Variants in MALRD1 observed in about 807,000 individuals in gnomAD.
MALRD1 encodes MAM and LDL receptor class A domain containing 1.
A neutral mutation model predicts 242.1 loss-of-function variants in MALRD1; 247 were observed. The observed-to-expected ratio is 1.02, with a 90% CI of 0.92 to 1.13. The LOEUF (loss-of-function observed/expected upper bound fraction) is 1.13. Among genes scored for constraint, MALRD1 ranks in the 50% most tolerant of loss-of-function variants. The probability of loss-of-function intolerance (pLI) is 0.00; values close to 1 mark genes in which losing one functional copy is unlikely to be tolerated. For synonymous variants in MALRD1, 995 were observed against 866.6 expected, an observed-to-expected ratio of 1.15 and a Z score of -2.60; for missense variants, 2,989 against 2,533.1, an observed-to-expected ratio of 1.18 and a Z score of -3.86.
intron 26 of MALRD1, among the ~76,000 whole-genome samples, chr10:19,377,695 T>A (rs1219216134): frequency 4.6e-5 from 7 of 152,090 alleles, no homozygotes; most frequent in Non-Finnish European, 7.4e-5. Context: ...AAGAACAAAT[T>A]TGTTACAATG....
chr10:19,652,445 A>G (rs1840943963), intron 36 of MALRD1, among the ~76,000 whole-genome samples: 1 of 152,230 alleles, frequency 6.6e-6, no homozygotes, highest in Non-Finnish European at 1.5e-5. Flanking sequence ...AAAGGTAGAT[A>G]GTACCAAGAT....
At chr10:19,470,883 G>C (rs4748586) in intron 29 of MALRD1, among the ~76,000 whole-genome samples, 130,852 of 151,774 alleles carry the variant, frequency 0.86, 56,570 homozygotes, top group East Asian at 1. Context: ...CTTGGGTCGC[G>C]TAGGCTGCCT....
intron 32 of MALRD1, among the ~76,000 whole-genome samples, chr10:19,535,577 G>GTATA (rs563014323): frequency 2.7e-5 from 4 of 147,828 alleles, no homozygotes; most frequent in Middle Eastern, 3.4e-3. Flanking sequence ...ATGTATATAC[G>GTATA]TATATATATA....
chr10:19,107,917 C>T (rs563387031), intron 5 of MALRD1, among the ~76,000 whole-genome samples: 4 of 152,002 alleles, frequency 2.6e-5, no homozygotes, highest in South Asian at 4.2e-4. Context: ...ATTTTACTGT[C>T]CTCCCACAAT....
intron 24 of MALRD1, among the ~76,000 whole-genome samples, chr10:19,346,631 T>A (rs1358999854): frequency 6.6e-6 from 1 of 152,240 alleles, no homozygotes; most frequent in African/African-American, 2.4e-5. Context: ...TTGTTACTTA[T>A]CAAATTACTC....
intron 32 of MALRD1, among the ~76,000 whole-genome samples, chr10:19,550,496 A>C (rs1589229380): frequency 6.6e-6 from 1 of 151,594 alleles, no homozygotes; most frequent in Middle Eastern, 3.4e-3. Flanking sequence ...CCTCCTTCCA[A>C]CCTCCACCCT....
chr10:19,084,433 T>C (rs1270556421), intron 2 of MALRD1, among the ~76,000 whole-genome samples: 3 of 151,922 alleles, frequency 2.0e-5, no homozygotes, highest in Non-Finnish European at 4.4e-5. Context: ...TTTTTAATGT[T>C]CTTGAGAACT....
intron 28 of MALRD1, among the ~76,000 whole-genome samples, chr10:19,431,560 G>A (rs1020956951): frequency 2.0e-5 from 3 of 151,904 alleles, no homozygotes; most frequent in Admixed American, 2.0e-4. Context: ...AAAATTTCAC[G>A]TTGAACATTT....
At chr10:19,544,201 T>A (rs3844353) in intron 32 of MALRD1, among the ~76,000 whole-genome samples, 119,959 of 151,742 alleles carry the variant, frequency 0.79, 47,971 homozygotes, top group Non-Finnish European at 0.85. Flanking sequence ...TTTTGGTTTT[T>A]TTTTTTAGAT....
chr10:19,718,257 C>T (rs894548434), intron 38 of MALRD1, among the ~76,000 whole-genome samples: 1 of 150,900 alleles, frequency 6.6e-6, no homozygotes, highest in Non-Finnish European at 1.5e-5. Flanking sequence ...ATACCTGAGG[C>T]TGAGGCTGGA....
rs760875287 is a variant in MALRD1 at position 19,595,061 on chromosome 10, C to A, written c.5681-133C>A. 179 of 875,776 alleles carry A rather than the reference C, an allele frequency of 2.0e-4. 1 individual carries two copies. Among genetic ancestry groups the A allele is most frequent in the Non-Finnish European group, 2.8e-4 (165 of 589,466 alleles). The allele number at this position is 875,776 out of a possible 1,614,324, so 54.3% of individuals were successfully genotyped here. ...CAGGTTTGTAGGCATCATATTAATC[C>A]TAATTAGAAATTAATTTACTTCAAT... On this transcript the variant is annotated intron_variant, in intron 33 of 39. Coordinates refer to ENST00000454679, the MANE Select transcript of MALRD1 (RefSeq NM_001142308.3).
intron 31 of MALRD1, among the ~76,000 whole-genome samples, chr10:19,518,067 G>C (rs1833717669): frequency 6.6e-6 from 1 of 152,166 alleles, no homozygotes; most frequent in African/African-American, 2.4e-5. Context: ...CCCCTGATTG[G>C]CTATACTGCT....
chr10:19,663,573 T>G (rs1226772857), intron 36 of MALRD1, among the ~76,000 whole-genome samples: 3 of 152,030 alleles, frequency 2.0e-5, no homozygotes, highest in Non-Finnish European at 2.9e-5. Context: ...CAATTAGTGG[T>G]TCTAGTTTTA....
intron 36 of MALRD1, among the ~76,000 whole-genome samples, chr10:19,683,134 G>GA (rs66998023): frequency 8.6e-5 from 13 of 150,958 alleles, no homozygotes; most frequent in African/African-American, 2.9e-4. Flanking sequence ...ATCTCTACCG[G>GA]AAAAAAAAAA....
chr10:19,352,253 T>A lies in MALRD1; in HGVS notation c.4397T>A (p.Leu1466His). ...DIVLTENCLS[L>H]HDSVQEELAV... Reference sequence around the variant, plus strand: ...GTGCTTACAGAAAATTGTCTATCACTCCATGATTCCGTGCAAGAAGAACTG... The same window carrying A: ...GTGCTTACAGAAAATTGTCTATCACACCATGATTCCGTGCAAGAAGAACTG... Residue 1466 changes from leucine (L) to histidine (H), a missense_variant, in exon 26 of 40, where the codon CTC becomes CAC. Transcript: ENST00000454679. 1 of 1,550,348 alleles carries A rather than the reference T, an allele frequency of 6.5e-7. No individual in the cohort carries two copies. The highest frequency in any genetic ancestry group is 2.0e-5 in the Admixed American group (1 of 50,974).
intron 26 of MALRD1, among the ~76,000 whole-genome samples, chr10:19,381,599 G>A (rs915487329): frequency 6.6e-6 from 1 of 151,704 alleles, no homozygotes; most frequent in African/African-American, 2.4e-5. Context: ...AGGCCAAGGT[G>A]GGTGGATCAC....
intron 19 of MALRD1, among the ~76,000 whole-genome samples, chr10:19,262,621 A>AC (rs1839799008): frequency 6.8e-6 from 1 of 147,806 alleles, no homozygotes. Flanking sequence ...ATGCTACTGC[A>AC]CTCCAGCCTG....
At chr10:19,522,488 T>C (rs1317279733) in intron 31 of MALRD1, among the ~76,000 whole-genome samples, 2 of 152,146 alleles carry the variant, frequency 1.3e-5, no homozygotes, top group Non-Finnish European at 2.9e-5. Flanking sequence ...TTCCTCATGA[T>C]AGTTGAGTTT....
At chr10:19,521,516 C>T (rs1455336405) in intron 31 of MALRD1, among the ~76,000 whole-genome samples, 2 of 152,108 alleles carry the variant, frequency 1.3e-5, no homozygotes, top group Non-Finnish European at 2.9e-5. Flanking sequence ...CTATCCACAC[C>T]TTCCTTGGTG....
Sources: gnomAD v4.1 joint callset for allele counts (sites outside exome capture counted in the v4.1 genomes callset) on GRCh38, gnomAD v4.1.1 for gene constraint, MANE v1.5 for transcripts, NCBI Gene and HGNC (gene_info 2026-07-23, HGNC 2026-07-21) for gene names.